RGS3: variants seen among roughly 807,000 people sequenced by gnomAD.
RGS3 encodes the protein regulator of G protein signaling 3.
RGS3 carries 80 observed loss-of-function variants against 132.6 expected under a neutral mutation model. That is an observed-to-expected ratio of 0.60 (90% CI 0.50 to 0.73). The LOEUF (loss-of-function observed/expected upper bound fraction) is 0.73. Among genes scored for constraint, RGS3 ranks in the 30% least tolerant of loss-of-function variants. RGS3 has a pLI of 0.00. For missense variants in RGS3, 1,382 were observed against 1,530.8 expected (o/e 0.90, Z 1.62); for synonymous variants, 598 against 620.6 (o/e 0.96, Z 0.54).
At chr9:113,447,327 A>ATG (rs1554750973) in intron 1 of RGS3, among the ~76,000 whole-genome samples, 2 of 72,618 alleles carry the variant, frequency 2.8e-5, no homozygotes, top group Admixed American at 1.6e-4. Context: ...ATGTATGTAT[A>ATG]TGTATATATA....
chr9:113,552,492 A>AT (rs932042342), intron 19 of RGS3, among the ~76,000 whole-genome samples: 3 of 151,708 alleles, frequency 2.0e-5, no homozygotes, highest in Admixed American at 6.6e-5. Flanking sequence ...AATTTTTTGT[A>AT]TTTTTTTAGT....
At chr9:113,570,896 A>G (rs1011508882) in intron 19 of RGS3, among the ~76,000 whole-genome samples, 5 of 152,120 alleles carry the variant, frequency 3.3e-5, no homozygotes, top group African/African-American at 1.2e-4. Flanking sequence ...TCAGCCTCCC[A>G]AAGTGCTGGG....
At chr9:113,567,811 C>A (rs1834079576) in intron 19 of RGS3, among the ~76,000 whole-genome samples, 1 of 152,212 alleles carries the variant, frequency 6.6e-6, no homozygotes, top group Non-Finnish European at 1.5e-5. Flanking sequence ...GAGCTCAGCT[C>A]CCTGGACCCT....
chr9:113,517,571 C>G, exon 16 of RGS3: 2 of 1,613,626 alleles, frequency 1.2e-6, no homozygotes, highest in Non-Finnish European at 1.7e-6. Context: ...TGCCCGGACC[C>G]TCCTGCTGTC....
intron 1 of RGS3, among the ~76,000 whole-genome samples, chr9:113,447,366 A>G: frequency 4.1e-5 from 1 of 24,646 alleles, no homozygotes. Flanking sequence ...TATATAGGCA[A>G]GGGTTGAAGA....
Position 113,568,856 on chromosome 9 carries a change from C to T in RGS3, c.2038-14594C>T, listed in dbSNP as rs750626159. Among the ~76,000 whole-genome samples the T allele has an allele frequency of 5.5e-4, 83 of 152,240 alleles. 1 individual carries two copies. Among genetic ancestry groups the T allele is most frequent in the Admixed American group, 1.5e-3 (23 of 15,290 alleles). On this transcript the variant is annotated intron_variant, in intron 19 of 24. Coordinates refer to ENST00000350696, the Ensembl canonical transcript of RGS3. ...CCTGCCCCTGCACAACCAGCTGTACCCTGGCTTCCAGGATTGGAGTGGGGA... is the reference window on the plus strand; with the variant it reads ...CCTGCCCCTGCACAACCAGCTGTACTCTGGCTTCCAGGATTGGAGTGGGGA...
chr9:113,518,853 C>T (rs1220463288), intron 16 of RGS3, among the ~76,000 whole-genome samples: 2 of 152,098 alleles, frequency 1.3e-5, no homozygotes, highest in African/African-American at 4.8e-5. Flanking sequence ...TCACTTAGAG[C>T]TATGTTTGGT....
At chr9:113,563,341 G>A (rs1223151774) in intron 19 of RGS3, among the ~76,000 whole-genome samples, 1 of 152,186 alleles carries the variant, frequency 6.6e-6, no homozygotes, top group Non-Finnish European at 1.5e-5. Flanking sequence ...GCCTAACACA[G>A]AGCCTGGCAC....
At chr9:113,536,143 C>G (rs534047201) in intron 18 of RGS3, among the ~76,000 whole-genome samples, 1 of 152,324 alleles carries the variant, frequency 6.6e-6, no homozygotes, top group Admixed American at 6.5e-5. Context: ...GAAGCGGGAC[C>G]TAAATGTCAG....
At chr9:113,477,528 G>A (rs1450986465) in intron 3 of RGS3, among the ~76,000 whole-genome samples, 3 of 152,178 alleles carry the variant, frequency 2.0e-5, no homozygotes, top group African/African-American at 4.8e-5. Flanking sequence ...CAGAAACAAA[G>A]CAAAGCCCCA....
chr9:113,541,685 A>T, intron 19 of RGS3: 1 of 1,094,396 alleles, frequency 9.1e-7, no homozygotes, highest in Non-Finnish European at 1.1e-6. Flanking sequence ...TCTTCCTTCC[A>T]AGGAGGAGGA....
At chr9:113,576,867 C>T (rs924660506) in intron 19 of RGS3, among the ~76,000 whole-genome samples, 3 of 152,252 alleles carry the variant, frequency 2.0e-5, no homozygotes, top group Admixed American at 6.5e-5. Context: ...TGCACCGCCA[C>T]TGTGAGCCCC....
intron 19 of RGS3, among the ~76,000 whole-genome samples, chr9:113,569,631 TTCCTTCCTTCCC>T (rs1834189758): frequency 6.6e-6 from 1 of 150,398 alleles, no homozygotes; most frequent in South Asian, 2.1e-4. Flanking sequence ...CCTTCCTTCC[TTCCTTCCTTCCC>T]TCCTTCCTTC....
Position 113,565,515 on chromosome 9 carries a change from C to A in RGS3, c.2038-17935C>A. Reference sequence around the variant, plus strand: ...GGTCATTTGGTTCTGCTTTTCCTAGCAGGTATCGCTCCCCTGGGGAACTTG... The same window carrying A: ...GGTCATTTGGTTCTGCTTTTCCTAGAAGGTATCGCTCCCCTGGGGAACTTG... On this transcript the variant is annotated intron_variant, in intron 19 of 24. Transcript: ENST00000350696. This position sits in a 1 kb window ranked among gnomAD's most constrained non-coding sequence, Gnocchi z 5.7. The A allele has an allele frequency of 3.6e-6, 2 of 550,780 alleles. No homozygotes were observed. Among genetic ancestry groups the A allele is most frequent in the Non-Finnish European group, 5.8e-6 (2 of 345,156 alleles). The allele number at this position is 550,780 out of a possible 1,614,324, so 34.1% of individuals were successfully genotyped here.
In RGS3 at chr9:113,591,101, T is replaced by C. The variant is rs1270353942; in HGVS notation, c.3016-232T>C. On this transcript the variant is annotated intron_variant, in intron 20 of 24. Coordinates refer to ENST00000350696, the Ensembl canonical transcript of RGS3. This position sits in a 1 kb window ranked among gnomAD's most constrained non-coding sequence, Gnocchi z 4.4. ...GCTTCTCCCCAGTGAGCTGGGGACC[T>C]GACTGTCCCAGGAGGAGATCCCTGT... 6.6e-6 allele frequency among the ~76,000 whole-genome samples: 1 copy of C among 152,226 alleles called. No homozygotes were observed.
chr9:113,523,411 G>A (rs748368574), intron 17 of RGS3, among the ~76,000 whole-genome samples: 14 of 152,150 alleles, frequency 9.2e-5, no homozygotes, highest in Non-Finnish European at 1.9e-4. Context: ...TGTAAATAGG[G>A]ATAAAAATAG....
chr9:113,556,753 A>G (rs1833583796), intron 19 of RGS3, among the ~76,000 whole-genome samples: 1 of 152,126 alleles, frequency 6.6e-6, no homozygotes, highest in Admixed American at 6.5e-5. Flanking sequence ...GGATGCTAGG[A>G]TGATGGATCT....
At position 113,565,076 on chromosome 9, in the gene RGS3, G is replaced by A. The variant is rs577496926; in HGVS notation, c.2038-18374G>A. ...GATCCCAGTGCCAGGGGGTGCCGTT[G>A]TGAGGGATGGACGCCTCTCCCCCGG... On this transcript the variant is annotated intron_variant, in intron 19 of 24. Transcript: ENST00000350696. The surrounding 1 kb of genome is among the most constrained non-coding windows in gnomAD (Gnocchi z 5.7). 8.7e-7 allele frequency: 1 copy of A among 1,152,312 alleles called. No homozygotes were observed. The highest frequency in any genetic ancestry group is 6.7e-5 in the East Asian group (1 of 14,854). 71.4% of individuals were successfully genotyped at this position (1,152,312 alleles called of 1,614,324 possible).
Position 113,565,360 on chromosome 9 carries a change from G to T in RGS3, c.2038-18090G>T. The T allele has an allele frequency of 7.8e-7, 1 of 1,290,094 alleles. No homozygotes were observed. The highest frequency in any genetic ancestry group is 1.2e-5 in the South Asian group (1 of 81,432). 79.9% of individuals were successfully genotyped at this position (1,290,094 alleles called of 1,614,324 possible). A position where few individuals can be genotyped will look rare whatever the true frequency, so the allele number is the denominator to read the frequency against. ...AGAGTGGCGGTGGCCGGCTAGACAG[G>T]GTGTGTGTTTGGGAAAGGCGCTGGA... On this transcript the variant is annotated intron_variant, in intron 19 of 24. Transcript: ENST00000350696. The surrounding 1 kb of genome is among the most constrained non-coding windows in gnomAD (Gnocchi z 5.7).
Sources: allele counts gnomAD v4.1 joint callset (sites outside exome capture counted in the v4.1 genomes callset), GRCh38; gene constraint gnomAD v4.1.1; non-coding constraint Gnocchi (gnomAD v3.1); transcripts MANE v1.5; gene names NCBI Gene and HGNC (gene_info 2026-07-23, HGNC 2026-07-21).